Variants in BABAM2 observed in about 807,000 individuals in gnomAD.
BABAM2 encodes BRISC and BRCA1-A complex member 2.
In BABAM2, 31 loss-of-function variants were observed where a neutral mutation model predicts 54.7. The observed-to-expected ratio is 0.57, with a 90% CI of 0.43 to 0.77. The LOEUF is 0.77. Among genes scored for constraint, BABAM2 ranks in the 30% least tolerant of loss-of-function variants. BABAM2 has a pLI of 0.00. For synonymous variants in BABAM2, 167 were observed against 162.9 expected, an observed-to-expected ratio of 1.03 and a Z score of -0.19; for missense variants, 364 against 455.8, an observed-to-expected ratio of 0.80 and a Z score of 1.83.
chr2:28,318,390 T>C (rs959951393), intron 11 of BABAM2, among the ~76,000 whole-genome samples: 2 of 152,160 alleles, frequency 1.3e-5, no homozygotes, highest in Non-Finnish European at 2.9e-5. Context: ...AAGGCCAGAG[T>C]TGAATTGTTA....
chr2:28,214,743 G>T (rs1679779478), intron 7 of BABAM2, among the ~76,000 whole-genome samples: 1 of 151,218 alleles, frequency 6.6e-6, no homozygotes, highest in Admixed American at 6.6e-5. Flanking sequence ...TTCTTTATCA[G>T]CTTGGGTAAG....
chr2:27,973,443 T>C (rs1256497323), intron 3 of BABAM2, among the ~76,000 whole-genome samples: 4 of 151,186 alleles, frequency 2.6e-5, no homozygotes, highest in East Asian at 1.9e-4. Context: ...TTTTTTTTTT[T>C]TCCCCACCAA....
intron 10 of BABAM2, among the ~76,000 whole-genome samples, chr2:28,282,371 CT>C (rs1244247765): frequency 6.6e-6 from 1 of 152,164 alleles, no homozygotes; most frequent in East Asian, 1.9e-4. Flanking sequence ...GACTTTTGTG[CT>C]TTCTTGATCA....
At chr2:28,295,639 G>C (rs898107424) in intron 10 of BABAM2, among the ~76,000 whole-genome samples, 6 of 152,032 alleles carry the variant, frequency 3.9e-5, no homozygotes. Context: ...GGGATTACAG[G>C]TACGCACCAC....
At chr2:27,969,216 C>T (rs575659907) in intron 3 of BABAM2, among the ~76,000 whole-genome samples, 123 of 152,252 alleles carry the variant, frequency 8.1e-4, no homozygotes, top group African/African-American at 2.9e-3. Context: ...GTGAGGCTTC[C>T]CCAGCCACAT....
intron 10 of BABAM2, among the ~76,000 whole-genome samples, chr2:28,281,336 GGT>G: frequency 6.6e-6 from 1 of 152,194 alleles, no homozygotes. Context: ...TTACTGAATT[GGT>G]GTGATGTGAT....
Position 28,310,979 on chromosome 2 carries a change from G to A in BABAM2, c.1088+12488G>A, listed in dbSNP as rs1191418714. ...TGTGCCCTTTCAAGAACAATTGAGT[G>A]GGCTGGGCGCGGTGGCTCACGCCTG... On this transcript the variant is annotated intron_variant, in intron 11 of 11. Coordinates refer to ENST00000379624, the MANE Select transcript of BABAM2 (RefSeq NM_199191.3). Among the ~76,000 whole-genome samples the A allele has an allele frequency of 2.0e-5, 3 of 151,874 alleles. 1 individual carries two copies. The highest frequency in any genetic ancestry group is 1.3e-4 in the Admixed American group (2 of 15,230).
At chr2:28,183,528 G>T (rs1192508733) in intron 7 of BABAM2, among the ~76,000 whole-genome samples, 1 of 152,158 alleles carries the variant, frequency 6.6e-6, no homozygotes, top group African/African-American at 2.4e-5. Context: ...AGCAATAGCT[G>T]CCCAGTGGGA....
At chr2:28,039,725 C>T (rs755583492) in intron 5 of BABAM2, among the ~76,000 whole-genome samples, 2 of 152,214 alleles carry the variant, frequency 1.3e-5, no homozygotes, top group Non-Finnish European at 2.9e-5. Context: ...ACTGTCACAG[C>T]TGTGATTACC....
intron 10 of BABAM2, among the ~76,000 whole-genome samples, chr2:28,281,909 A>G (rs1227339602): frequency 6.6e-6 from 1 of 152,218 alleles, no homozygotes; most frequent in Non-Finnish European, 1.5e-5. Flanking sequence ...AGACTGGAGC[A>G]GAGGTGAGCA....
chr2:28,092,056 G>T (rs1294786069), intron 6 of BABAM2, among the ~76,000 whole-genome samples: 2 of 151,944 alleles, frequency 1.3e-5, no homozygotes, highest in African/African-American at 2.4e-5. Context: ...ATTATACCTC[G>T]TGAATGAGCA....
intron 11 of BABAM2, among the ~76,000 whole-genome samples, chr2:28,298,732 T>C (rs997250443): frequency 4.6e-5 from 7 of 152,236 alleles, no homozygotes; most frequent in African/African-American, 1.7e-4. Flanking sequence ...AAATATTTAC[T>C]GTTTGGCCCT....
chr2:27,965,935 TG>T (rs1233462523), intron 3 of BABAM2, among the ~76,000 whole-genome samples: 1 of 152,152 alleles, frequency 6.6e-6, no homozygotes, highest in Non-Finnish European at 1.5e-5. Context: ...TTTTCTTCTT[TG>T]TTTTATATTT....
intron 7 of BABAM2, among the ~76,000 whole-genome samples, chr2:28,176,247 G>A (rs868394441): frequency 2.0e-5 from 3 of 151,988 alleles, no homozygotes; most frequent in African/African-American, 7.3e-5. Context: ...TTTATGAAAT[G>A]CCAGAAAAAT....
intron 8 of BABAM2, among the ~76,000 whole-genome samples, chr2:28,240,925 A>G (rs1460165167): frequency 2.0e-5 from 3 of 152,156 alleles, no homozygotes; most frequent in Non-Finnish European, 2.9e-5. Flanking sequence ...TGAATTAAAA[A>G]ATAAAAATAA....
chr2:27,928,889 T>C lies in BABAM2; in HGVS notation c.129-943T>C, dbSNP rs567480119. The stretch of plus-strand genomic sequence containing the variant: ...GCAGATCTGTGAAGAGCAAGAAACA[T>C]TGTATAACTTTGTGAAATAATAGAT... On this transcript the variant is annotated intron_variant, in intron 2 of 11. Coordinates refer to ENST00000379624, the MANE Select transcript of BABAM2 (RefSeq NM_199191.3). 1.8e-3 allele frequency among the ~76,000 whole-genome samples: 270 copies of C among 151,462 alleles called. 1 individual carries two copies. Among genetic ancestry groups the C allele is most frequent in the African/African-American group, 6.3e-3 (260 of 41,290 alleles).
chr2:28,150,387 A>G (rs1200301658), intron 7 of BABAM2, among the ~76,000 whole-genome samples: 1 of 152,180 alleles, frequency 6.6e-6, no homozygotes, highest in Non-Finnish European at 1.5e-5. Flanking sequence ...GATACATGGC[A>G]ATACAGAGGG....
At chr2:27,945,993 A>G (rs1002284636) in intron 3 of BABAM2, among the ~76,000 whole-genome samples, 1 of 152,028 alleles carries the variant, frequency 6.6e-6, no homozygotes, top group Admixed American at 6.6e-5. Context: ...TTCCTTTCCA[A>G]TCTATATAAT....
chr2:28,167,885 A>G (rs959303312), intron 7 of BABAM2, among the ~76,000 whole-genome samples: 9 of 152,150 alleles, frequency 5.9e-5, no homozygotes, highest in African/African-American at 2.2e-4. Context: ...CTGCACTCTC[A>G]TTTAATCTGT....
Sources: gnomAD v4.1 joint callset for allele counts (sites outside exome capture counted in the v4.1 genomes callset) on GRCh38, gnomAD v4.1.1 for gene constraint, MANE v1.5 for transcripts, NCBI Gene and HGNC (gene_info 2026-07-23, HGNC 2026-07-21) for gene names.